The following DNAJC13 variants were observed in gnomAD, a reference collection of about 807,000 sequenced individuals.
The protein encoded by DNAJC13 is dnaJ homolog subfamily C member 13.
In DNAJC13, 75 loss-of-function variants were observed where a neutral mutation model predicts 290.5. That is an observed-to-expected ratio of 0.26 (90% CI 0.21 to 0.31). The LOEUF (loss-of-function observed/expected upper bound fraction) is 0.31. DNAJC13 is among the 10% of genes least tolerant of loss of function. The pLI, the probability that DNAJC13 is intolerant of heterozygous loss-of-function variation, is 1.00. For synonymous variants in DNAJC13, 862 were observed against 892.0 expected (o/e 0.97, Z 0.60); for missense variants, 2,260 against 2,674.5 (o/e 0.85, Z 3.42).
chr3:132,511,274 C>T (rs2107732012), intron 44 of DNAJC13, 30 bp downstream of exon 44: 1 of 1,610,220 alleles, frequency 6.2e-7, no homozygotes, highest in Non-Finnish European at 8.5e-7. Context: ...ATCAATAAGA[C>T]TCGTATAATA....
chr3:132,428,369 T>C (rs1576454172), intron 1 of DNAJC13, among the ~76,000 whole-genome samples: 2 of 152,354 alleles, frequency 1.3e-5, no homozygotes. Context: ...ACTGAGAATG[T>C]AAAATAGATT....
chr3:132,504,317 T>G (rs866496231), intron 41 of DNAJC13, among the ~76,000 whole-genome samples: 7 of 151,872 alleles, frequency 4.6e-5, no homozygotes, highest in South Asian at 2.1e-4. Flanking sequence ...CTGGTTTTTT[T>G]TTTTTTTTTT....
intron 31 of DNAJC13, among the ~76,000 whole-genome samples, chr3:132,490,491 T>C (rs1223438995): frequency 6.6e-6 from 1 of 152,226 alleles, no homozygotes; most frequent in Non-Finnish European, 1.5e-5. Context: ...CTGAACTTAT[T>C]TTTGAAAACA....
intron 42 of DNAJC13, among the ~76,000 whole-genome samples, chr3:132,506,045 C>CTTTTTTTTTTTTTTTTTT (rs573857472): frequency 8.3e-5 from 6 of 72,676 alleles, no homozygotes; most frequent in Non-Finnish European, 1.4e-4. Context: ...TGTACATTAT[C>CTTTTTTTTTTTTTTTTTT]TTTTTTTTTT....
chr3:132,534,031 G>A (rs1268741370), intron 55 of DNAJC13, among the ~76,000 whole-genome samples: 1 of 152,158 alleles, frequency 6.6e-6, no homozygotes, highest in African/African-American at 2.4e-5. Context: ...CTGTGAAGGG[G>A]TTAGAAGAAG....
chr3:132,463,136 C>A (rs1464311501), intron 16 of DNAJC13, among the ~76,000 whole-genome samples: 1 of 152,132 alleles, frequency 6.6e-6, no homozygotes, highest in Non-Finnish European at 1.5e-5. Flanking sequence ...AATTTGAATA[C>A]AATTGAAGAA....
At chr3:132,502,513 AGGTT>A in intron 40 of DNAJC13, 45 bp downstream of exon 40, 2 of 1,517,628 alleles carry the variant, frequency 1.3e-6, no homozygotes, top group Non-Finnish European at 8.9e-7. Flanking sequence ...CCCAAACCTT[AGGTT>A]GGTGTTAAAC....
intron 48 of DNAJC13, among the ~76,000 whole-genome samples, chr3:132,522,245 C>G (rs1359262529): frequency 6.6e-6 from 1 of 152,170 alleles, no homozygotes; most frequent in Non-Finnish European, 1.5e-5. Context: ...CCTCATTTTT[C>G]CCTTTGCCCC....
intron 24 of DNAJC13, 133 bp from the exon 25 acceptor site, chr3:132,479,094 T>A (rs1231897593): frequency 5.6e-6 from 3 of 534,518 alleles, no homozygotes; most frequent in Non-Finnish European, 1.0e-5. Flanking sequence ...GACAGATTTC[T>A]ATGATTTTTC....
Position 132,453,264 on chromosome 3 carries a change from A to T in DNAJC13, c.538-34A>T, listed in dbSNP as rs72992342. 4,455 of 1,595,784 alleles carry T rather than the reference A, an allele frequency of 2.8e-3. 107 individuals are homozygous for T. In the African/African-American group the frequency reaches 0.052, roughly 19 times the overall value. ...GCTACAGACACATTTCAGTTGTTTC[A>T]ACTCTGACTTTTTAAATTTCTAAAT... On this transcript the variant is annotated intron_variant, in intron 6 of 55. Coordinates refer to ENST00000260818, the MANE Select transcript of DNAJC13 (RefSeq NM_015268.4).
chr3:132,493,367 C>A (rs557504118), intron 33 of DNAJC13, among the ~76,000 whole-genome samples: 1 of 151,994 alleles, frequency 6.6e-6, no homozygotes, highest in East Asian at 1.9e-4. Flanking sequence ...TGCCTCTTTA[C>A]AATGCAGTGA....
intron 20 of DNAJC13, among the ~76,000 whole-genome samples, chr3:132,468,028 G>A (rs750609169): frequency 1.3e-5 from 2 of 152,174 alleles, no homozygotes; most frequent in African/African-American, 4.8e-5. Flanking sequence ...GTGTTTTGGA[G>A]ATTAAGATTC....
In DNAJC13 at chr3:132,513,016, A is replaced by G; in HGVS notation, c.5302A>G (p.Ser1768Gly). ...NVIKYNPGSE[S>G]ECIGHFKLIF... ...TTATTCTTATTCTCTAGGTTCTGAG[A>G]GTGAATGCATTGGGCACTTTAAGTT... The change falls in exon 45 of 56, where the codon AGT (serine) becomes GGT (glycine). Residue 1768 changes from serine (S) to glycine (G), a missense_variant. Around this residue, in one of 3 missense-constraint regions of DNAJC13, gnomAD observed 1,494 missense variants for 1,693.7 expected, o/e 0.88. Coordinates refer to ENST00000260818, the MANE Select transcript of DNAJC13 (RefSeq NM_015268.4). 6.2e-7 allele frequency: 1 copy of G among 1,612,614 alleles called. No homozygotes were observed. The highest frequency in any genetic ancestry group is 8.5e-7 in the Non-Finnish European group (1 of 1,178,830).
chr3:132,535,345 A>G (rs1277748168), intron 55 of DNAJC13, among the ~76,000 whole-genome samples: 1 of 152,212 alleles, frequency 6.6e-6, no homozygotes, highest in Non-Finnish European at 1.5e-5. Flanking sequence ...GCCTATTTCC[A>G]TAGGTTCTCT....
In DNAJC13 at chr3:132,482,290, A is replaced by G. The variant is rs201979260; in HGVS notation, c.2939A>G (p.Asn980Ser). Residue 980 changes from asparagine (N) to serine (S), a missense_variant, in exon 27 of 56, where the codon AAC becomes AGC. Coordinates refer to ENST00000260818, the MANE Select transcript of DNAJC13 (RefSeq NM_015268.4). The stretch of plus-strand genomic sequence containing the variant: ...AGTGAAAAGGAATGGTATTTTGGCA[A>G]CGCAGACAAAGAAAGGAGTGGCCCG... ...RESEKEWYFG[N>S]ADKERSGPYG... 2 of 1,613,894 alleles carry G rather than the reference A, an allele frequency of 1.2e-6. No homozygotes were observed. Among genetic ancestry groups the G allele is most frequent in the Non-Finnish European group, 1.7e-6 (2 of 1,179,832 alleles).
intron 2 of DNAJC13, among the ~76,000 whole-genome samples, chr3:132,435,740 C>A (rs1939369038): frequency 2.0e-5 from 3 of 152,080 alleles, no homozygotes; most frequent in Non-Finnish European, 2.9e-5. Context: ...AAAAGTATAT[C>A]TTTAAATAAT....
chr3:132,434,723 C>T, intron 2 of DNAJC13, 105 bp downstream of exon 2: 1 of 752,386 alleles, frequency 1.3e-6, no homozygotes, highest in Non-Finnish European at 2.0e-6. Context: ...GGCTATACAG[C>T]CCTTCTCTTC....
At chr3:132,434,987 C>T (rs936603080) in intron 2 of DNAJC13, among the ~76,000 whole-genome samples, 1 of 152,154 alleles carries the variant, frequency 6.6e-6, no homozygotes, top group Non-Finnish European at 1.5e-5. Context: ...TTTTCATATC[C>T]GTTTGACTGT....
intron 55 of DNAJC13, among the ~76,000 whole-genome samples, chr3:132,534,331 T>C (rs994503475): frequency 6.6e-5 from 10 of 152,104 alleles, no homozygotes; most frequent in African/African-American, 2.4e-4. Flanking sequence ...TTGCTGGAAA[T>C]TTTTTCATCA....
Sources: gnomAD v4.1 joint callset for allele counts (sites outside exome capture counted in the v4.1 genomes callset) on GRCh38, gnomAD v4.1.1 for gene constraint, gnomAD v4.1.1 regional missense constraint, MANE v1.5 for transcripts, NCBI Gene and HGNC (gene_info 2026-07-23, HGNC 2026-07-21) for gene names.